Variants in NPAS3 observed in about 807,000 individuals in gnomAD.
NPAS3 encodes neuronal PAS domain-containing protein 3.
NPAS3 carries 14 observed loss-of-function variants against 73.1 expected under a neutral mutation model. The ratio of observed to expected loss-of-function variants is 0.19; its 90% CI spans 0.13 to 0.30. The LOEUF is 0.30. NPAS3 is among the 10% of genes least tolerant of loss of function. The probability of loss-of-function intolerance (pLI) is 1.00; values close to 1 mark genes in which losing one functional copy is unlikely to be tolerated. For missense variants in NPAS3, 1,096 were observed against 1,250.0 expected (o/e 0.88, Z 1.86); for synonymous variants, 620 against 541.5 (o/e 1.14, Z -2.01).
intron 1 of NPAS3, among the ~76,000 whole-genome samples, chr14:33,018,635 C>T (rs1466523642): frequency 1.4e-5 from 2 of 145,236 alleles, no homozygotes; most frequent in East Asian, 4.0e-4. Flanking sequence ...TTTTTTAGAA[C>T]ATAAACAAGT....
At chr14:32,962,527 C>G (rs1473511024) in intron 1 of NPAS3, among the ~76,000 whole-genome samples, 3 of 147,690 alleles carry the variant, frequency 2.0e-5, no homozygotes, top group Non-Finnish European at 4.5e-5. Context: ...TACCACAAAT[C>G]TTTGGGGGGT....
At chr14:33,538,269 C>T (rs1212550026) in intron 4 of NPAS3, among the ~76,000 whole-genome samples, 1 of 152,166 alleles carries the variant, frequency 6.6e-6, no homozygotes, top group Admixed American at 6.5e-5. Context: ...ACTGGCCACT[C>T]CCACACAATA....
At chr14:33,262,320 T>C (rs1434515095) in intron 3 of NPAS3, among the ~76,000 whole-genome samples, 1 of 152,176 alleles carries the variant, frequency 6.6e-6, no homozygotes, top group Non-Finnish European at 1.5e-5. Context: ...AAGAAATAAG[T>C]GTAGGCAATA....
At chr14:33,227,136 G>A (rs2047665100) in intron 3 of NPAS3, among the ~76,000 whole-genome samples, 1 of 152,190 alleles carries the variant, frequency 6.6e-6, no homozygotes, top group Non-Finnish European at 1.5e-5. Context: ...TGTTCTCAGG[G>A]ACGTTTGTAA....
chr14:33,585,721 T>A (rs1057317847), intron 5 of NPAS3, among the ~76,000 whole-genome samples: 2 of 152,196 alleles, frequency 1.3e-5, no homozygotes, highest in Non-Finnish European at 2.9e-5. Context: ...AGGGTTTACC[T>A]CCTCATAATT....
intron 3 of NPAS3, among the ~76,000 whole-genome samples, chr14:33,294,719 C>T (rs1289996946): frequency 6.6e-6 from 1 of 152,112 alleles, no homozygotes; most frequent in Non-Finnish European, 1.5e-5. Context: ...TATCCTTTTC[C>T]CAAATTTTAA....
intron 4 of NPAS3, among the ~76,000 whole-genome samples, chr14:33,507,775 G>C (rs1255407820): frequency 6.6e-6 from 1 of 151,920 alleles, no homozygotes; most frequent in Admixed American, 6.6e-5. Flanking sequence ...ATTTTTCTCT[G>C]ACAATGCTGT....
At chr14:33,288,603 A>G (rs1251352369) in intron 3 of NPAS3, among the ~76,000 whole-genome samples, 2 of 152,068 alleles carry the variant, frequency 1.3e-5, no homozygotes, top group Non-Finnish European at 2.9e-5. Flanking sequence ...TTCATTTTAT[A>G]TAAAGGAAAA....
At chr14:33,033,084 T>A (rs1041836319) in intron 1 of NPAS3, among the ~76,000 whole-genome samples, 2 of 152,182 alleles carry the variant, frequency 1.3e-5, no homozygotes, top group African/African-American at 4.8e-5. Flanking sequence ...AATCTCTTTA[T>A]GTTGACAAAG....
At chr14:33,791,946 C>A (rs900283916) in intron 9 of NPAS3, among the ~76,000 whole-genome samples, 2 of 152,100 alleles carry the variant, frequency 1.3e-5, no homozygotes, top group African/African-American at 4.8e-5. Flanking sequence ...CAGAATTATA[C>A]CCCCAACCAC....
chr14:33,297,694 G>C (rs1216331300), intron 3 of NPAS3, among the ~76,000 whole-genome samples: 1 of 152,162 alleles, frequency 6.6e-6, no homozygotes, highest in Non-Finnish European at 1.5e-5. Context: ...CCTGCTGCTT[G>C]CATGTAAAAA....
At chr14:33,487,492 A>G (rs145029060) in intron 4 of NPAS3, among the ~76,000 whole-genome samples, 50 of 152,316 alleles carry the variant, frequency 3.3e-4, no homozygotes, top group African/African-American at 1.0e-3. Flanking sequence ...TAGAAATGAG[A>G]TTTACAATAG....
At chr14:33,089,158 T>G (rs896082465) in intron 2 of NPAS3, among the ~76,000 whole-genome samples, 1 of 152,178 alleles carries the variant, frequency 6.6e-6, no homozygotes, top group African/African-American at 2.4e-5. Flanking sequence ...AGAATATCTT[T>G]GACGAGTTGA....
At chr14:33,355,515 G>A (rs1291122634) in intron 3 of NPAS3, among the ~76,000 whole-genome samples, 1 of 152,124 alleles carries the variant, frequency 6.6e-6, no homozygotes. Context: ...GGCCAGGATG[G>A]TCTCGACCCC....
In NPAS3 at chr14:33,611,967, A is replaced by G. The variant is rs567367344; in HGVS notation, c.558+51757A>G. ...ACTAGTGAATACTTGAATAAATTCTATCACTCCAGCAGAGACGGGAAACTG... is the reference window on the plus strand; with the variant it reads ...ACTAGTGAATACTTGAATAAATTCTGTCACTCCAGCAGAGACGGGAAACTG... On this transcript the variant is annotated intron_variant, in intron 5 of 11. Coordinates refer to ENST00000356141, the Ensembl canonical transcript of NPAS3. 7.9e-5 allele frequency among the ~76,000 whole-genome samples: 12 copies of G among 152,312 alleles called. No homozygotes were observed. The South Asian group carries it at 2.5e-3, about 32-fold the overall frequency.
intron 2 of NPAS3, among the ~76,000 whole-genome samples, chr14:33,131,404 C>T (rs1276795916): frequency 9.9e-6 from 1 of 101,150 alleles, no homozygotes; most frequent in Non-Finnish European, 2.2e-5. Context: ...AATTGAGTTA[C>T]ACCCAGCCAT....
intron 3 of NPAS3, among the ~76,000 whole-genome samples, chr14:33,268,274 A>C (rs189358956): frequency 1.4e-4 from 21 of 152,260 alleles, no homozygotes; most frequent in Non-Finnish European, 2.4e-4. Context: ...CTCTTAATGA[A>C]TACAGACCTG....
At chr14:33,591,349 C>T (rs2057058101) in intron 5 of NPAS3, among the ~76,000 whole-genome samples, 1 of 152,194 alleles carries the variant, frequency 6.6e-6, no homozygotes, top group African/African-American at 2.4e-5. Flanking sequence ...ACAAGCTCCA[C>T]ACAAACAATT....
intron 3 of NPAS3, among the ~76,000 whole-genome samples, chr14:33,303,010 C>T (rs1594642029): frequency 6.6e-6 from 1 of 152,078 alleles, no homozygotes; most frequent in East Asian, 1.9e-4. Flanking sequence ...ACAGCTTTCT[C>T]ATCTTTAAAA....
Sources: gnomAD v4.1 joint callset for allele counts (sites outside exome capture counted in the v4.1 genomes callset) on GRCh38, gnomAD v4.1.1 for gene constraint, MANE v1.5 for transcripts, NCBI Gene and HGNC (gene_info 2026-07-23, HGNC 2026-07-21) for gene names.